The following NAALADL2 variants were observed in gnomAD, a reference collection of about 807,000 sequenced individuals.
NAALADL2 encodes the protein N-acetylated alpha-linked acidic dipeptidase like 2, also known as inactive N-acetylated-alpha-linked acidic dipeptidase-like protein 2.
A neutral mutation model predicts 87.2 loss-of-function variants in NAALADL2; 76 were observed. That is an observed-to-expected ratio of 0.87 (90% confidence interval 0.72 to 1.05). The LOEUF (loss-of-function observed/expected upper bound fraction) is 1.05. Ranked by LOEUF, NAALADL2 falls within the 50% of genes least tolerant of loss-of-function variation. The pLI is 0.00. For synonymous variants in NAALADL2, 354 were observed against 331.0 expected (o/e 1.07, Z -0.75); for missense variants, 1,089 against 945.8 (o/e 1.15, Z -1.99).
rs74948956 is a variant in NAALADL2, at chr3:175,490,553, G to GTTTT, written c.1653+18807_1653+18810dup. ...AGGCACCCGCCACCACGCCTGGCTA[G>GTTTT]TTTTTTTTTTTTTTTGTATTTTTAC... On this transcript the variant is annotated intron_variant, in intron 9 of 13. Transcript: ENST00000454872. 2.4e-3 allele frequency among the ~76,000 whole-genome samples: 337 copies of GTTTT among 138,324 alleles called. 2 individuals carry two copies. Among genetic ancestry groups the GTTTT allele is most frequent in the African/African-American group, 8.5e-3 (319 of 37,544 alleles). The allele number at this position is 138,324 out of a possible 152,430, so 90.7% of individuals were successfully genotyped here.
chr3:174,466,894 T>C (rs1716565952), intron 1 of NAALADL2, among the ~76,000 whole-genome samples: 1 of 152,242 alleles, frequency 6.6e-6, no homozygotes, highest in Non-Finnish European at 1.5e-5. Context: ...GCTTCATTTT[T>C]CCTTTTAACA....
At chr3:174,715,737 G>T (rs1331537393) in intron 2 of NAALADL2, among the ~76,000 whole-genome samples, 1 of 152,094 alleles carries the variant, frequency 6.6e-6, no homozygotes, top group Non-Finnish European at 1.5e-5. Flanking sequence ...GTGTTAGAAG[G>T]TATTATAGTA....
intron 5 of NAALADL2, among the ~76,000 whole-genome samples, chr3:175,367,620 A>C (rs1285092229): frequency 1.3e-5 from 2 of 152,172 alleles, no homozygotes; most frequent in Non-Finnish European, 2.9e-5. Context: ...TCTTTGAAGC[A>C]ATTGTGAATG....
At chr3:174,667,943 AT>A (rs199930752) in intron 2 of NAALADL2, among the ~76,000 whole-genome samples, 8 of 151,810 alleles carry the variant, frequency 5.3e-5, no homozygotes, top group Admixed American at 6.6e-5. Flanking sequence ...AGAAATCTTT[AT>A]TTTTTTTATG....
intron 2 of NAALADL2, among the ~76,000 whole-genome samples, chr3:175,119,411 A>G (rs528029819): frequency 1.3e-4 from 19 of 151,686 alleles, no homozygotes; most frequent in Non-Finnish European, 2.2e-4. Context: ...GTCTAAAGGT[A>G]CAGAGTTATT....
In NAALADL2 at chr3:174,602,557, A is replaced by G. The variant is rs565985587; in HGVS notation, c.-115+51920A>G. ...AAATATAGGATAATATAATTTGAAA[A>G]TTATATTTCAAATATAATTTGACTG... On this transcript the variant is annotated intron_variant, in intron 2 of 3. Transcript: ENST00000434257. Among the ~76,000 whole-genome samples the G allele has an allele frequency of 3.3e-5, 5 of 152,078 alleles. No individual in the cohort carries two copies. The South Asian group carries it at 8.3e-4, about 25-fold the overall frequency.
chr3:174,979,304 CTTTTTTTTT>C (rs5854604), intron 1 of NAALADL2, among the ~76,000 whole-genome samples: 1 of 105,222 alleles, frequency 9.5e-6, no homozygotes, highest in Non-Finnish European at 1.8e-5. Context: ...TCTTTCTTTT[CTTTTTTTTT>C]TTTTTTTTTT....
At chr3:174,734,115 T>G (rs1732967705) in intron 2 of NAALADL2, among the ~76,000 whole-genome samples, 1 of 152,162 alleles carries the variant, frequency 6.6e-6, no homozygotes, top group Non-Finnish European at 1.5e-5. Context: ...AACCCACATT[T>G]GTACTAAAAT....
chr3:175,728,821 A>T (rs942506071), intron 11 of NAALADL2, among the ~76,000 whole-genome samples: 1 of 152,166 alleles, frequency 6.6e-6, no homozygotes, highest in African/African-American at 2.4e-5. Context: ...GGGTTTTCTG[A>T]CCCTATGCCC....
rs146028711 is a variant in NAALADL2, at chr3:175,514,827, A to G, written c.1653+43069A>G. 5.9e-3 allele frequency among the ~76,000 whole-genome samples: 895 copies of G among 152,346 alleles called. 8 individuals carry two copies. The highest frequency in any genetic ancestry group is 9.2e-3 in the Non-Finnish European group (623 of 68,040). On this transcript the variant is annotated intron_variant, in intron 9 of 13. Transcript: ENST00000454872. The stretch of plus-strand genomic sequence containing the variant: ...GAAAGGAATAAAAAAAGTTTCAAAT[A>G]TTAGTTCTGTGTGTATAGACACATG...
chr3:175,585,789 G>A (rs1720463419), intron 10 of NAALADL2, among the ~76,000 whole-genome samples: 2 of 151,704 alleles, frequency 1.3e-5, no homozygotes, highest in South Asian at 2.1e-4. Context: ...CTTGGTAATT[G>A]TCCGTGTAAT....
At chr3:175,754,760 T>G (rs1747040743) in intron 12 of NAALADL2, among the ~76,000 whole-genome samples, 1 of 152,176 alleles carries the variant, frequency 6.6e-6, no homozygotes, top group Non-Finnish European at 1.5e-5. Flanking sequence ...TGATAACCTA[T>G]GACAATTTTC....
At chr3:174,615,160 A>G (rs897791030) in intron 2 of NAALADL2, among the ~76,000 whole-genome samples, 50 of 152,204 alleles carry the variant, frequency 3.3e-4, no homozygotes, top group African/African-American at 1.1e-3. Context: ...GGACTCAGAA[A>G]GGCTTGCACA....
intron 2 of NAALADL2, among the ~76,000 whole-genome samples, chr3:174,641,003 C>T (rs1246850604): frequency 1.3e-5 from 2 of 152,194 alleles, no homozygotes; most frequent in Non-Finnish European, 2.9e-5. Context: ...CCCTCCCCTC[C>T]AGGCGAGGAT....
chr3:174,793,717 T>C (rs979428711), intron 3 of NAALADL2, among the ~76,000 whole-genome samples: 2 of 152,134 alleles, frequency 1.3e-5, no homozygotes, highest in Non-Finnish European at 2.9e-5. Context: ...TTCCCGTGGC[T>C]ATCTCTCTCA....
At chr3:175,130,198 TTG>T (rs1727610589) in intron 2 of NAALADL2, among the ~76,000 whole-genome samples, 1 of 132,280 alleles carries the variant, frequency 7.6e-6, no homozygotes, top group Non-Finnish European at 1.7e-5. Context: ...TTTATAACTT[TTG>T]TATATTATAA....
At chr3:175,202,095 C>T (rs1045507964) in intron 2 of NAALADL2, among the ~76,000 whole-genome samples, 5 of 152,054 alleles carry the variant, frequency 3.3e-5, no homozygotes, top group African/African-American at 7.2e-5. Context: ...ACTTAACAGT[C>T]GCTTGCCCAA....
chr3:174,476,960 A>G (rs1717252493), intron 1 of NAALADL2, among the ~76,000 whole-genome samples: 1 of 152,062 alleles, frequency 6.6e-6, no homozygotes, highest in East Asian at 1.9e-4. Flanking sequence ...TTTTTGAGGT[A>G]GGTCTCTAAA....
chr3:174,588,784 C>T (rs142441456), intron 2 of NAALADL2, among the ~76,000 whole-genome samples: 2,879 of 152,216 alleles, frequency 0.019, 98 homozygotes, highest in African/African-American at 0.065. Flanking sequence ...TCAATCGGCC[C>T]CTACTGGGGG....
Sources: allele counts gnomAD v4.1 joint callset (sites outside exome capture counted in the v4.1 genomes callset), GRCh38; gene constraint gnomAD v4.1.1; transcripts MANE v1.5; gene names NCBI Gene and HGNC (gene_info 2026-07-23, HGNC 2026-07-21).